Variants in NCK2 observed in about 807,000 individuals in gnomAD.
NCK2 encodes NCK adaptor protein 2, also known as cytoplasmic protein NCK2.
In NCK2, 16 loss-of-function variants were observed where a neutral mutation model predicts 33.9. The ratio of observed to expected loss-of-function variants is 0.47; its 90% CI spans 0.32 to 0.72. The LOEUF (loss-of-function observed/expected upper bound fraction) is 0.72. Ranked by LOEUF, NCK2 falls within the 30% of genes least tolerant of loss-of-function variation. The pLI, the probability that NCK2 is intolerant of heterozygous loss-of-function variation, is 0.03. For missense variants in NCK2, 418 were observed against 537.3 expected (o/e 0.78, Z 2.19); for synonymous variants, 273 against 239.9 (o/e 1.14, Z -1.27).
chr2:105,830,691 G>GTGTGTGTGTGTGTGTA (rs1553458047), intron 2 of NCK2, among the ~76,000 whole-genome samples: 205 of 147,178 alleles, frequency 1.4e-3, no homozygotes, highest in Middle Eastern at 6.9e-3. Context: ...GTGTGTGTGT[G>GTGTGTGTGTGTGTGTA]TGTGTGTGTG....
In NCK2 at chr2:105,881,936, C is replaced by CTCATTATCT; in HGVS notation, c.835_836insTCATTATCT (p.Arg279delinsLeuIleIleCys). 6.4e-7 allele frequency: 1 copy of CTCATTATCT among 1,559,874 alleles called. No homozygotes were observed. The stretch of plus-strand genomic sequence containing the variant: ...CTACACCGGGCCCTCGTCCAGCGGG[C>CTCATTATCT]GCTTCGCGGGCAGAGAGTGGTACTA... On this transcript the variant is annotated protein_altering_variant, in exon 4 of 5. Transcript: ENST00000233154.
chr2:105,822,306 C>T (rs1344729226), intron 2 of NCK2, among the ~76,000 whole-genome samples: 1 of 150,298 alleles, frequency 6.7e-6, no homozygotes, highest in Non-Finnish European at 1.5e-5. Context: ...TTAACAGCTC[C>T]TGTGGCTTCC....
chr2:105,764,453 C>A (rs1689868931), intron 1 of NCK2, among the ~76,000 whole-genome samples: 1 of 152,258 alleles, frequency 6.6e-6, no homozygotes, highest in South Asian at 2.1e-4. Flanking sequence ...CTTCGAGGCT[C>A]AGCCACAAAG....
At chr2:105,871,435 G>T (rs1678000881) in intron 3 of NCK2, among the ~76,000 whole-genome samples, 1 of 152,122 alleles carries the variant, frequency 6.6e-6, no homozygotes, top group South Asian at 2.1e-4. Flanking sequence ...GGGCTGTGTT[G>T]CCTGCAGTCT....
At position 105,881,386 on chromosome 2, in the gene NCK2, G is replaced by A. The variant is rs746174788; in HGVS notation, c.285G>A (p.Thr95=). 16 of 1,610,904 alleles carry A rather than the reference G, an allele frequency of 9.9e-6. No homozygotes were observed. In the African/African-American group the frequency reaches 1.9e-4, roughly 19 times the overall value. The change falls in exon 4 of 5, where the codon ACG becomes ACA. Residue 95 remains threonine (T), a synonymous_variant. Coordinates refer to ENST00000233154, the MANE Select transcript of NCK2 (RefSeq NM_003581.5). Reference sequence around the variant, plus strand: ...GGGATGCGTCCCCCACGCCCAGCACGGACGCCGAGTACCCCGCCAATGGCA... The same window carrying A: ...GGGATGCGTCCCCCACGCCCAGCACAGACGCCGAGTACCCCGCCAATGGCA... ...SARDASPTPS[T]DAEYPANGSG...
intron 3 of NCK2, among the ~76,000 whole-genome samples, chr2:105,858,538 C>T (rs185552710): frequency 4.1e-4 from 63 of 152,220 alleles, no homozygotes; most frequent in African/African-American, 1.5e-3. Context: ...TTTGGGAGTC[C>T]ACCTAATTCA....
chr2:105,892,887 G>C (rs934217258), intron 4 of NCK2, 95 bp from the exon 5 acceptor site: 1 of 1,008,352 alleles, frequency 9.9e-7, no homozygotes, highest in African/African-American at 1.6e-5. Context: ...TTGAGCAATG[G>C]GTGGTTTGGA....
chr2:105,859,753 C>A (rs1225666162), intron 3 of NCK2, among the ~76,000 whole-genome samples: 1 of 152,096 alleles, frequency 6.6e-6, no homozygotes, highest in South Asian at 2.1e-4. Context: ...TACGTAAGAT[C>A]CAAAAGCAGT....
At chr2:105,874,704 GT>G (rs1678166023) in intron 3 of NCK2, among the ~76,000 whole-genome samples, 1 of 152,222 alleles carries the variant, frequency 6.6e-6, no homozygotes, top group Non-Finnish European at 1.5e-5. Flanking sequence ...GGCAGAGCAT[GT>G]TTTAAAGTCA....
chr2:105,889,876 A>G (rs1305512650), intron 4 of NCK2, among the ~76,000 whole-genome samples: 1 of 152,144 alleles, frequency 6.6e-6, no homozygotes, highest in East Asian at 1.9e-4. Context: ...GTGAGCTTCC[A>G]TGGCTGGCCC....
intron 4 of NCK2, among the ~76,000 whole-genome samples, chr2:105,888,401 T>C (rs947270068): frequency 1.3e-5 from 2 of 152,138 alleles, no homozygotes; most frequent in African/African-American, 4.8e-5. Flanking sequence ...AGTACAGTGT[T>C]TGGAGATGGA....
At chr2:105,772,116 TAGCGTTTGC>T (rs1690154430) in intron 1 of NCK2, among the ~76,000 whole-genome samples, 1 of 152,024 alleles carries the variant, frequency 6.6e-6, no homozygotes, top group African/African-American at 2.4e-5. Context: ...GCGGAGGGGG[TAGCGTTTGC>T]AGAGGCTGAG....
At chr2:105,792,459 A>C (rs1690920992) in intron 1 of NCK2, among the ~76,000 whole-genome samples, 1 of 152,210 alleles carries the variant, frequency 6.6e-6, no homozygotes, top group Non-Finnish European at 1.5e-5. Flanking sequence ...TTTCAATAAC[A>C]ATAACTACTT....
chr2:105,753,722 T>C (rs1689523971), intron 1 of NCK2, among the ~76,000 whole-genome samples: 2 of 152,250 alleles, frequency 1.3e-5, no homozygotes, highest in African/African-American at 4.8e-5. Context: ...CTGTTTTTCC[T>C]TAATGAGTTG....
intron 1 of NCK2, among the ~76,000 whole-genome samples, chr2:105,801,051 C>T (rs1674815196): frequency 6.6e-6 from 1 of 152,178 alleles, no homozygotes; most frequent in Non-Finnish European, 1.5e-5. Context: ...AAACAGGTTA[C>T]TGAATGGAGG....
At chr2:105,883,931 C>T (rs1678612056) in intron 4 of NCK2, among the ~76,000 whole-genome samples, 1 of 152,152 alleles carries the variant, frequency 6.6e-6, no homozygotes, top group Non-Finnish European at 1.5e-5. Flanking sequence ...GGACTTGCAT[C>T]GGCTCTGCAC....
At chr2:105,826,557 A>G (rs1003530117) in intron 2 of NCK2, among the ~76,000 whole-genome samples, 2 of 152,206 alleles carry the variant, frequency 1.3e-5, no homozygotes, top group Non-Finnish European at 2.9e-5. Flanking sequence ...TTTTTAATGC[A>G]AAAATGTAAC....
intron 3 of NCK2, 95 bp from the exon 4 acceptor site, chr2:105,881,233 A>G: frequency 6.7e-7 from 1 of 1,481,958 alleles, no homozygotes; most frequent in Non-Finnish European, 8.9e-7. Context: ...CCTTGTATTT[A>G]ACCGCCAGAG....
intron 1 of NCK2, among the ~76,000 whole-genome samples, chr2:105,773,200 C>T (rs912418760): frequency 3.3e-5 from 5 of 151,912 alleles, no homozygotes; most frequent in Non-Finnish European, 7.4e-5. Flanking sequence ...ACCATCTGGC[C>T]GTCACTCACC....
Sources: gnomAD v4.1 joint callset for allele counts (sites outside exome capture counted in the v4.1 genomes callset) on GRCh38, gnomAD v4.1.1 for gene constraint, MANE v1.5 for transcripts, NCBI Gene and HGNC (gene_info 2026-07-23, HGNC 2026-07-21) for gene names.